PPP4R3A: variants seen among roughly 807,000 people sequenced by gnomAD.
PPP4R3A encodes the protein protein phosphatase 4 regulatory subunit 3A.
A neutral mutation model predicts 91.7 loss-of-function variants in PPP4R3A; 15 were observed. The observed-to-expected ratio is 0.16, with a 90% CI of 0.11 to 0.25. The LOEUF (loss-of-function observed/expected upper bound fraction) is 0.25, where lower values mean the gene tolerates loss of function less well. Ranked by LOEUF, PPP4R3A falls within the 10% of genes least tolerant of loss-of-function variation. PPP4R3A has a pLI of 1.00. For synonymous variants in PPP4R3A, 377 were observed against 348.7 expected, an observed-to-expected ratio of 1.08 and a Z score of -0.91; for missense variants, 623 against 998.4, an observed-to-expected ratio of 0.62 and a Z score of 5.07.
At chr14:91,468,695 AAAG>A (rs1888643457) in intron 10 of PPP4R3A, among the ~76,000 whole-genome samples, 2 of 143,988 alleles carry the variant, frequency 1.4e-5, no homozygotes, top group African/African-American at 5.2e-5. Context: ...AAAAAGGAAA[AAAG>A]AAAAAAAAGA....
At chr14:91,464,398 A>G (rs1420658180) in intron 11 of PPP4R3A, among the ~76,000 whole-genome samples, 4 of 150,346 alleles carry the variant, frequency 2.7e-5, no homozygotes, top group Non-Finnish European at 5.9e-5. Flanking sequence ...GGCTGCCAAC[A>G]ATGTGAATGT....
At chr14:91,487,275 C>G (rs1393022862) in intron 2 of PPP4R3A, among the ~76,000 whole-genome samples, 1 of 137,486 alleles carries the variant, frequency 7.3e-6, no homozygotes, top group East Asian at 2.3e-4. Flanking sequence ...AAAAAAAAAT[C>G]CTTTCAAATC....
At chr14:91,503,579 G>GAGGGAGA (rs1200302859) in intron 1 of PPP4R3A, among the ~76,000 whole-genome samples, 1 of 152,348 alleles carries the variant, frequency 6.6e-6, no homozygotes, top group African/African-American at 2.4e-5. Flanking sequence ...CAAAGGGGCA[G>GAGGGAGA]AGGGAGAGAG....
intron 1 of PPP4R3A, among the ~76,000 whole-genome samples, chr14:91,496,547 T>C (rs750577634): frequency 1.4e-4 from 22 of 152,092 alleles, no homozygotes; most frequent in Non-Finnish European, 2.8e-4. Flanking sequence ...ATCAGGATAA[T>C]AAGAAAGAGG....
chr14:91,509,309 G>A (rs925556664), intron 1 of PPP4R3A, among the ~76,000 whole-genome samples, 197 bp downstream of exon 1: 3 of 152,224 alleles, frequency 2.0e-5, no homozygotes, highest in African/African-American at 7.2e-5. Context: ...GGCACTCAGA[G>A]AAAGGAAACA....
intron 10 of PPP4R3A, chr14:91,466,240 A>C (rs1731168188): frequency 1.0e-6 from 1 of 985,760 alleles, no homozygotes; most frequent in South Asian, 4.7e-5. Context: ...TATTGTAAAC[A>C]GTGCAAAAAA....
At position 91,461,385 on chromosome 14, in the gene PPP4R3A, G is replaced by C. The variant is rs1309464900; in HGVS notation, c.2387C>G (p.Thr796Arg). Reference protein sequence around the residue: ...KNTSQTAAITTKGGLVGLVDY... With the variant: ...KNTSQTAAITRKGGLVGLVDY... Reference sequence around the variant, plus strand: ...AAATGGGAGTCAAGAATGTACCTTTGTAGTAATAGCTGCCGTCTGAGATGT... The same window carrying C: ...AAATGGGAGTCAAGAATGTACCTTTCTAGTAATAGCTGCCGTCTGAGATGT... The change falls in exon 14 of 15, where the codon ACA becomes AGA. Residue 796 changes from threonine to arginine, a missense_variant. Around this residue, in one of 5 missense-constraint regions of PPP4R3A, gnomAD observed 201 missense variants for 229.9 expected, o/e 0.87. Transcript: ENST00000554943. The C allele has an allele frequency of 6.2e-7, 1 of 1,604,896 alleles. No individual in the cohort carries two copies. Among genetic ancestry groups the C allele is most frequent in the East Asian group, 2.2e-5 (1 of 44,586 alleles).
intron 4 of PPP4R3A, among the ~76,000 whole-genome samples, chr14:91,481,265 A>C (rs1889539143): frequency 6.6e-6 from 1 of 152,128 alleles, no homozygotes; most frequent in South Asian, 2.1e-4. Flanking sequence ...CAGGGAAGCG[A>C]AGGTGGAGGT....
intron 1 of PPP4R3A, among the ~76,000 whole-genome samples, chr14:91,496,849 C>T (rs1890603607): frequency 6.6e-6 from 1 of 152,240 alleles, no homozygotes; most frequent in Non-Finnish European, 1.5e-5. Context: ...AGGTTTATTC[C>T]TAGTCTATTG....
At chr14:91,466,172 A>G in intron 10 of PPP4R3A, 1 of 939,254 alleles carries the variant, frequency 1.1e-6, no homozygotes, top group Non-Finnish European at 1.3e-6. Context: ...TCAGACAGCT[A>G]GACTTCAACA....
In PPP4R3A at chr14:91,476,848, GAGCCACCA is replaced by G. The variant is rs1889238890; in HGVS notation, c.993+53_993+60del. The G allele has an allele frequency of 3.5e-6, 5 of 1,417,308 alleles. No homozygotes were observed. In the South Asian group the frequency reaches 3.8e-5, roughly 11 times the overall value. 87.8% of individuals were successfully genotyped at this position (1,417,308 alleles called of 1,614,324 possible). Reference sequence around the variant, plus strand: ...CCAAAGTGCTGGGATTTACAGGCGTGAGCCACCAAGCCCGGCCAGTTGTTTTATTTTTA... The same window carrying G: ...CCAAAGTGCTGGGATTTACAGGCGTGAGCCCGGCCAGTTGTTTTATTTTTA... On this transcript the variant is annotated intron_variant, in intron 5 of 14. Coordinates refer to ENST00000554943, the MANE Select transcript of PPP4R3A (RefSeq NM_001366432.2).
intron 1 of PPP4R3A, among the ~76,000 whole-genome samples, chr14:91,494,456 T>G (rs1446051010): frequency 6.6e-6 from 1 of 152,198 alleles, no homozygotes; most frequent in Admixed American, 6.5e-5. Context: ...CAACTCAATA[T>G]TAAAATGTGG....
At chr14:91,490,229 A>G (rs954965161) in intron 2 of PPP4R3A, among the ~76,000 whole-genome samples, 1 of 152,200 alleles carries the variant, frequency 6.6e-6, no homozygotes, top group Non-Finnish European at 1.5e-5. Context: ...ATTTTTTTGC[A>G]TATTAGAAAG....
rs140515037 is a variant in PPP4R3A at position 91,508,300 on chromosome 14, T to C, written c.142+1206A>G. ...TCCAGATTACCACTTTCAATTTAAA[T>C]AGAACATCAATATTCCCAGAGTCTT... On this transcript the variant is annotated intron_variant, in intron 1 of 14. Transcript: ENST00000554943. Among the ~76,000 whole-genome samples, 261 of 152,350 alleles carry C rather than the reference T, an allele frequency of 1.7e-3. 3 individuals carry two copies. The highest frequency in any genetic ancestry group is 3.4e-3 in the Middle Eastern group (1 of 292).
chr14:91,482,715 A>C (rs1318875311), intron 3 of PPP4R3A, among the ~76,000 whole-genome samples: 1 of 152,230 alleles, frequency 6.6e-6, no homozygotes, highest in Non-Finnish European at 1.5e-5. Context: ...ATAAGCAAAA[A>C]GGAAAATATT....
At chr14:91,463,511 G>T (rs939866069) in intron 11 of PPP4R3A, among the ~76,000 whole-genome samples, 6 of 151,996 alleles carry the variant, frequency 3.9e-5, no homozygotes, top group African/African-American at 1.5e-4. Flanking sequence ...ATAGCTCACT[G>T]CAGGCTTGAA....
At chr14:91,465,526 CAAT>C (rs2140074285) in intron 10 of PPP4R3A, 107 bp from the exon 11 acceptor site, 1 of 935,150 alleles carries the variant, frequency 1.1e-6, no homozygotes, top group South Asian at 2.8e-5. Context: ...TAACACATAT[CAAT>C]AATTATTTAT....
chr14:91,500,839 C>T (rs948390203), intron 1 of PPP4R3A, among the ~76,000 whole-genome samples: 1 of 152,216 alleles, frequency 6.6e-6, no homozygotes, highest in East Asian at 1.9e-4. Flanking sequence ...TCAAGACCAG[C>T]CCGGGCAACA....
intron 2 of PPP4R3A, among the ~76,000 whole-genome samples, chr14:91,487,323 C>T (rs1211170800): frequency 2.0e-5 from 3 of 149,438 alleles, no homozygotes; most frequent in Non-Finnish European, 4.4e-5. Context: ...TGTTTGATAG[C>T]AATCAACCAT....
Sources: gnomAD v4.1 joint callset for allele counts (sites outside exome capture counted in the v4.1 genomes callset) on GRCh38, gnomAD v4.1.1 for gene constraint, gnomAD v4.1.1 regional missense constraint, MANE v1.5 for transcripts, NCBI Gene and HGNC (gene_info 2026-07-23, HGNC 2026-07-21) for gene names.